The following CHRM3 variants were observed in gnomAD, a reference collection of about 807,000 sequenced individuals.
The protein encoded by CHRM3 is cholinergic receptor muscarinic 3.
In CHRM3, 11 loss-of-function variants were observed where a neutral mutation model predicts 41.8. The ratio of observed to expected loss-of-function variants is 0.26; its 90% CI spans 0.17 to 0.44. CHRM3 has a LOEUF of 0.44. Among genes scored for constraint, CHRM3 ranks in the 20% least tolerant of loss-of-function variants. The pLI is 1.00. For synonymous variants in CHRM3, 297 were observed against 301.4 expected, an observed-to-expected ratio of 0.99 and a Z score of 0.15; for missense variants, 571 against 745.4, an observed-to-expected ratio of 0.77 and a Z score of 2.72.
intron 1 of CHRM3, among the ~76,000 whole-genome samples, chr1:239,448,015 A>G (rs1181852964): frequency 6.6e-6 from 1 of 152,184 alleles, no homozygotes; most frequent in East Asian, 1.9e-4. Flanking sequence ...TTCAGGTCAG[A>G]CAGACATGGA....
chr1:239,631,721 G>C (rs906960585), intron 3 of CHRM3, among the ~76,000 whole-genome samples: 1 of 152,118 alleles, frequency 6.6e-6, no homozygotes, highest in Non-Finnish European at 1.5e-5. Flanking sequence ...CATGAAGATT[G>C]CATTTTCTTC....
intron 4 of CHRM3, among the ~76,000 whole-genome samples, chr1:239,636,192 C>T (rs1167132400): frequency 3.3e-5 from 5 of 151,940 alleles, no homozygotes; most frequent in Admixed American, 6.6e-5. Flanking sequence ...GAATGAAGGC[C>T]CGAAAGAATG....
At chr1:239,669,745 G>A (rs72632886) in intron 4 of CHRM3, among the ~76,000 whole-genome samples, 14,759 of 152,170 alleles carry the variant, frequency 0.097, 1,021 homozygotes, top group African/African-American at 0.2. Flanking sequence ...TTATAATATT[G>A]TCATTTAAAA....
Position 239,659,427 on chromosome 1 carries a change from C to T in CHRM3, c.-249-18759C>T, listed in dbSNP as rs550028095. ...TCCTCCAGCCACTGTCCCATTCCTCCCCTTCACAGATGCATCCCTAGTCTC... is the reference window on the plus strand; with the variant it reads ...TCCTCCAGCCACTGTCCCATTCCTCTCCTTCACAGATGCATCCCTAGTCTC... On this transcript the variant is annotated intron_variant, in intron 4 of 6. Coordinates refer to ENST00000676153, the MANE Select transcript of CHRM3 (RefSeq NM_001375978.1). Among the ~76,000 whole-genome samples the T allele has an allele frequency of 3.0e-4, 45 of 152,254 alleles. No individual in the cohort carries two copies. The South Asian group carries it at 8.9e-3, about 30-fold the overall frequency.
At chr1:239,610,156 G>A (rs1248352470) in intron 3 of CHRM3, among the ~76,000 whole-genome samples, 3 of 120,992 alleles carry the variant, frequency 2.5e-5, no homozygotes, top group East Asian at 5.7e-4. Flanking sequence ...TCACGCCACT[G>A]CACTCCAGCC....
intron 5 of CHRM3, among the ~76,000 whole-genome samples, chr1:239,776,575 A>T (rs1270579578): frequency 6.6e-6 from 1 of 152,176 alleles, no homozygotes; most frequent in Non-Finnish European, 1.5e-5. Context: ...GAACAAAGAG[A>T]TGAAAAGAAA....
chr1:239,860,302 T>C (rs1675533323), intron 6 of CHRM3, among the ~76,000 whole-genome samples: 1 of 152,200 alleles, frequency 6.6e-6, no homozygotes, highest in Non-Finnish European at 1.5e-5. Context: ...CACTGTAAGC[T>C]ATAAAAGTAC....
intron 3 of CHRM3, among the ~76,000 whole-genome samples, chr1:239,604,066 TA>T (rs1244443128): frequency 1.3e-5 from 2 of 152,184 alleles, no homozygotes; most frequent in Non-Finnish European, 2.9e-5. Context: ...TAAAATACAT[TA>T]AAAAAGTTTC....
chr1:239,813,661 TA>T (rs1304058306), intron 5 of CHRM3, among the ~76,000 whole-genome samples: 4 of 151,276 alleles, frequency 2.6e-5, no homozygotes, highest in African/African-American at 7.3e-5. Flanking sequence ...CTCACGCCTG[TA>T]ATCCCAGCAC....
intron 2 of CHRM3, among the ~76,000 whole-genome samples, chr1:239,520,759 C>T (rs1481930898): frequency 2.6e-5 from 4 of 152,176 alleles, no homozygotes; most frequent in Admixed American, 6.5e-5. Context: ...GCTCTTACAG[C>T]AGTAAGCTCC....
intron 5 of CHRM3, among the ~76,000 whole-genome samples, chr1:239,785,696 C>T (rs1314530304): frequency 6.6e-6 from 1 of 152,066 alleles, no homozygotes; most frequent in African/African-American, 2.4e-5. Context: ...ACAACTTCTT[C>T]TCTATTCACA....
chr1:239,403,515 C>G (rs1036219971), intron 1 of CHRM3, among the ~76,000 whole-genome samples: 1 of 152,184 alleles, frequency 6.6e-6, no homozygotes, highest in Non-Finnish European at 1.5e-5. Flanking sequence ...TTCAGAACTT[C>G]CCTTGCCTGG....
Position 239,908,101 on chromosome 1 carries a change from C to T in CHRM3, c.650C>T (p.Pro217Leu). Residue 217 changes from proline (P) to leucine (L), a missense_variant, in exon 7 of 7, where the codon CCT becomes CTT. Pro to Leu is a moderately conservative substitution (Grantham distance 98). Around this residue, in one of 5 missense-constraint regions of CHRM3, gnomAD observed 153 missense variants for 296.3 expected, o/e 0.52. Coordinates refer to ENST00000676153, the MANE Select transcript of CHRM3 (RefSeq NM_001375978.1). This position sits in a 1 kb window ranked among gnomAD's most constrained non-coding sequence, Gnocchi z 7.2. Reference protein sequence around the residue: ...WQYFVGKRTVPPGECFIQFLS... With the variant: ...WQYFVGKRTVLPGECFIQFLS... ...TACTTTGTTGGAAAGAGAACTGTGC[C>T]TCCGGGAGAGTGCTTCATTCAGTTC... 6.2e-7 allele frequency: 1 copy of T among 1,614,198 alleles called. No individual in the cohort carries two copies. The highest frequency in any genetic ancestry group is 8.5e-7 in the Non-Finnish European group (1 of 1,180,050).
At chr1:239,899,489 C>T (rs1379369507) in intron 6 of CHRM3, among the ~76,000 whole-genome samples, 1 of 114,456 alleles carries the variant, frequency 8.7e-6, no homozygotes, top group Non-Finnish European at 1.7e-5. Context: ...TATATACTCA[C>T]ACACATGTAT....
intron 6 of CHRM3, among the ~76,000 whole-genome samples, chr1:239,848,774 A>G (rs1462738101): frequency 2.0e-5 from 3 of 152,176 alleles, no homozygotes; most frequent in Non-Finnish European, 4.4e-5. Context: ...TTCATGTATG[A>G]CAAAACACAG....
intron 6 of CHRM3, among the ~76,000 whole-genome samples, chr1:239,878,773 T>C (rs1374239668): frequency 6.6e-6 from 1 of 151,462 alleles, no homozygotes; most frequent in Non-Finnish European, 1.5e-5. Context: ...TTAAGGGAGG[T>C]GAGAATCAGA....
intron 5 of CHRM3, among the ~76,000 whole-genome samples, chr1:239,772,704 T>C (rs998300842): frequency 6.6e-6 from 1 of 152,134 alleles, no homozygotes; most frequent in African/African-American, 2.4e-5. Flanking sequence ...CCACTGTACA[T>C]GATGCCTTTC....
At chr1:239,817,056 T>G (rs1349386137) in intron 5 of CHRM3, among the ~76,000 whole-genome samples, 1 of 152,150 alleles carries the variant, frequency 6.6e-6, no homozygotes, top group Non-Finnish European at 1.5e-5. Flanking sequence ...AGGGATGATA[T>G]TAGCACATGT....
At chr1:239,560,604 C>A (rs901380292) in intron 3 of CHRM3, among the ~76,000 whole-genome samples, 2 of 151,860 alleles carry the variant, frequency 1.3e-5, no homozygotes, top group African/African-American at 4.8e-5. Context: ...ATGAATGTAC[C>A]AAAATTTATT....
Sources: allele counts gnomAD v4.1 joint callset (sites outside exome capture counted in the v4.1 genomes callset), GRCh38; gene constraint gnomAD v4.1.1; regional missense constraint gnomAD v4.1.1; non-coding constraint Gnocchi (gnomAD v3.1); transcripts MANE v1.5; gene names NCBI Gene and HGNC (gene_info 2026-07-23, HGNC 2026-07-21).